DNAJC16: variants seen among roughly 807,000 people sequenced by gnomAD.
The protein encoded by DNAJC16 is DnaJ heat shock protein family (Hsp40) member C16, also known as dnaJ homolog subfamily C member 16.
DNAJC16 carries 76 observed loss-of-function variants against 92.7 expected under a neutral mutation model. That is an observed-to-expected ratio of 0.82 (90% CI 0.68 to 0.99). DNAJC16 has a LOEUF of 0.99. Among genes scored for constraint, DNAJC16 ranks in the 50% least tolerant of loss-of-function variants. The pLI is 0.00. For synonymous variants in DNAJC16, 328 were observed against 358.7 expected, an observed-to-expected ratio of 0.91 and a Z score of 0.97; for missense variants, 869 against 942.4, an observed-to-expected ratio of 0.92 and a Z score of 1.02.
Position 15,562,263 on chromosome 1 carries a change from C to T in DNAJC16, c.1276C>T (p.Arg426Trp), listed in dbSNP as rs147821055. Residue 426 changes from arginine (R) to tryptophan (W), a missense_variant, in exon 9 of 15, where the codon CGG (arginine) becomes TGG (tryptophan). Physicochemically the swap from Arg to Trp is moderately radical, Grantham distance 101. Coordinates refer to ENST00000375847, the MANE Select transcript of DNAJC16 (RefSeq NM_015291.4). ...GAGATTTGTGCATGTCTACAGCAAT[C>T]GGCAGCAGGAGTTTGCCGACACCTT... The part of the protein sequence containing the change: ...TVRFVHVYSN[R>W]QQEFADTLLP... 8.1e-6 allele frequency: 13 copies of T among 1,613,976 alleles called. No homozygotes were observed. The highest frequency in any genetic ancestry group is 4.0e-5 in the African/African-American group (3 of 74,926).
At chr1:15,538,587 C>T (rs1404832568) in intron 4 of DNAJC16, among the ~76,000 whole-genome samples, 1 of 149,222 alleles carries the variant, frequency 6.7e-6, no homozygotes, top group Non-Finnish European at 1.5e-5. Flanking sequence ...CATAGTGGCA[C>T]GTGCCTGTAA....
Position 15,562,012 on chromosome 1 carries a change from G to A in DNAJC16, c.1155-130G>A, listed in dbSNP as rs1570928322. The A allele has an allele frequency of 6.3e-6, 5 of 795,722 alleles. No homozygotes were observed. In the East Asian group the frequency reaches 1.2e-4, roughly 19 times the overall value. 49.3% of individuals were successfully genotyped at this position (795,722 alleles called of 1,614,324 possible). A position where few individuals can be genotyped will look rare whatever the true frequency, so the allele number is the denominator to read the frequency against. On this transcript the variant is annotated intron_variant, in intron 8 of 14. Coordinates refer to ENST00000375847, the MANE Select transcript of DNAJC16 (RefSeq NM_015291.4). ...AAATCCTCCCTTAGTTGAAATGTCA[G>A]CTTTCACTGGGCACAGTGTATTCAC...
At position 15,536,325 on chromosome 1, in the gene DNAJC16, C is replaced by T. The variant is rs1405100267; in HGVS notation, c.235-150C>T. 8.3e-6 allele frequency: 5 copies of T among 604,342 alleles called. No homozygotes were observed. The Admixed American group carries it at 1.7e-4, about 20-fold the overall frequency. The allele number at this position is 604,342 out of a possible 1,614,324, so 37.4% of individuals were successfully genotyped here. A position where few individuals can be genotyped will look rare whatever the true frequency, so the allele number is the denominator to read the frequency against. The stretch of plus-strand genomic sequence containing the variant: ...AAACTCCCGACCTCAAGTGATCCAC[C>T]CGCCTCAGCCTCCCAAAGTGCTGGG... On this transcript the variant is annotated intron_variant, in intron 3 of 14. Coordinates refer to ENST00000375847, the MANE Select transcript of DNAJC16 (RefSeq NM_015291.4).
intron 6 of DNAJC16, 24 bp downstream of exon 6, chr1:15,546,895 G>T: frequency 1.3e-5 from 18 of 1,394,538 alleles, no homozygotes; most frequent in East Asian, 7.4e-5. Context: ...TAGGATAATG[G>T]TTTCTTTTTC....
At chr1:15,551,167 G>C (rs376558841) in intron 7 of DNAJC16, among the ~76,000 whole-genome samples, 19 of 152,296 alleles carry the variant, frequency 1.2e-4, no homozygotes, top group East Asian at 1.2e-3. Flanking sequence ...TCCGTGCCCG[G>C]CCTCACCTTA....
At chr1:15,557,746 T>C (rs1199843487) in intron 7 of DNAJC16, among the ~76,000 whole-genome samples, 1 of 151,832 alleles carries the variant, frequency 6.6e-6, no homozygotes, top group Non-Finnish European at 1.5e-5. Context: ...TTTTTTTTTT[T>C]CTTTTTTAGT....
chr1:15,528,428 G>A (rs966045245), intron 1 of DNAJC16, among the ~76,000 whole-genome samples: 1 of 106,260 alleles, frequency 9.4e-6, no homozygotes, highest in African/African-American at 4.2e-5. Context: ...GTGAAACTCC[G>A]TCTCAAAAAA....
chr1:15,536,689 T>G lies in DNAJC16; in HGVS notation c.449T>G (p.Val150Gly). 6.2e-7 allele frequency: 1 copy of G among 1,614,218 alleles called. No homozygotes were observed. Among genetic ancestry groups the G allele is most frequent in the Non-Finnish European group, 8.5e-7 (1 of 1,180,038 alleles). ...EKYLLHFSHY[V>G]NEVVPDSFKK... ...TATTTATTGCACTTTTCACATTATG[T>G]GAATGAAGTGGTTCCAGATAGCTTC... Residue 150 changes from valine to glycine, a missense_variant, in exon 4 of 15, where the codon GTG becomes GGG. Val to Gly is a moderately radical substitution (Grantham distance 109, BLOSUM62 -3). Transcript: ENST00000375847.
At chr1:15,527,347 G>A (rs1024119577) in intron 1 of DNAJC16, among the ~76,000 whole-genome samples, 9 of 152,206 alleles carry the variant, frequency 5.9e-5, no homozygotes, top group Admixed American at 1.3e-4. Flanking sequence ...TAGCTGGAAG[G>A]AACTGACATG....
chr1:15,558,970 C>T (rs145979330), intron 7 of DNAJC16, among the ~76,000 whole-genome samples: 1,878 of 152,202 alleles, frequency 0.012, 27 homozygotes, highest in Non-Finnish European at 0.017. Flanking sequence ...GATGGAGTCT[C>T]GCTCTGTCGC....
rs1181316258 is a variant in DNAJC16, at chr1:15,567,771, C to G, written c.1950-7C>G. On this transcript the variant is annotated splice_polypyrimidine_tract_variant and splice_region_variant and intron_variant, in intron 14 of 14. Coordinates refer to ENST00000375847, the MANE Select transcript of DNAJC16 (RefSeq NM_015291.4). ...GCCCTGAGTCCTCAATTCTCTTCTT[C>G]CTACAGGAGCAGCTGCCTACACTTC... 1.2e-6 allele frequency: 2 copies of G among 1,609,228 alleles called. No individual in the cohort carries two copies. Among genetic ancestry groups the G allele is most frequent in the East Asian group, 4.5e-5 (2 of 44,864 alleles).
chr1:15,543,892 C>G (rs974114053), intron 4 of DNAJC16, among the ~76,000 whole-genome samples: 5 of 152,120 alleles, frequency 3.3e-5, no homozygotes, highest in Non-Finnish European at 7.4e-5. Context: ...CTGTCATCAA[C>G]TGAAATGGCA....
intron 13 of DNAJC16, 126 bp from the exon 14 acceptor site, chr1:15,566,973 T>C: frequency 1.2e-6 from 1 of 862,696 alleles, no homozygotes; most frequent in Non-Finnish European, 1.7e-6. Context: ...TGTGTTAGAC[T>C]CAAGAATAGT....
At chr1:15,548,544 CA>C (rs1638366487) in intron 7 of DNAJC16, 116 bp downstream of exon 7, 1 of 1,023,180 alleles carries the variant, frequency 9.8e-7, no homozygotes. Context: ...TTCAGATGCA[CA>C]AAATTTTTTA....
intron 3 of DNAJC16, 116 bp downstream of exon 3, chr1:15,534,419 T>A (rs1710734015): frequency 9.3e-7 from 1 of 1,074,856 alleles, no homozygotes. Context: ...TGATGCAGTT[T>A]CTAGATTATA....
intron 3 of DNAJC16, 87 bp downstream of exon 3, chr1:15,534,390 G>T (rs915978551): frequency 2.2e-6 from 3 of 1,382,478 alleles, no homozygotes; most frequent in African/African-American, 2.9e-5. Context: ...TGTCAGAAAG[G>T]TCATGTTCCC....
chr1:15,546,817 T>C lies in DNAJC16; in HGVS notation c.810T>C (p.Asn270=), dbSNP rs1053000231. 1 of 1,614,000 alleles carries C rather than the reference T, an allele frequency of 6.2e-7. No homozygotes were observed. Residue 270 remains asparagine, a synonymous_variant, in exon 6 of 15, where the codon AAT becomes AAC. Coordinates refer to ENST00000375847, the MANE Select transcript of DNAJC16 (RefSeq NM_015291.4). The part of the protein sequence containing the change: ...VRFLSGWQQE[N]KPHVLLFDQT... The stretch of plus-strand genomic sequence containing the variant: ...TCCTCTCTGGCTGGCAGCAAGAGAA[T>C]AAGCCTCATGTCCTTCTGTTTGACC...
At chr1:15,553,149 C>A (rs972006559) in intron 7 of DNAJC16, among the ~76,000 whole-genome samples, 22 of 151,912 alleles carry the variant, frequency 1.4e-4, no homozygotes, top group African/African-American at 5.3e-4. Context: ...TTTATATGTT[C>A]ATCTCTTTTT....
rs929238133 is a variant in DNAJC16, at chr1:15,561,448, G to C, written c.1155-694G>C. On this transcript the variant is annotated intron_variant, in intron 8 of 14. Coordinates refer to ENST00000375847, the MANE Select transcript of DNAJC16 (RefSeq NM_015291.4). Reference sequence around the variant, plus strand: ...GCCTATAATCCCAGCACTTTGGGGGGCTGAGGCAGGCGGATCACTTGAGGT... The same window carrying C: ...GCCTATAATCCCAGCACTTTGGGGGCCTGAGGCAGGCGGATCACTTGAGGT... Among the ~76,000 whole-genome samples, 3 of 152,174 alleles carry C rather than the reference G, an allele frequency of 2.0e-5. 1 individual carries two copies. In the East Asian group the frequency reaches 5.8e-4, roughly 29 times the overall value.
Sources: allele counts gnomAD v4.1 joint callset (sites outside exome capture counted in the v4.1 genomes callset), GRCh38; gene constraint gnomAD v4.1.1; transcripts MANE v1.5; gene names NCBI Gene and HGNC (gene_info 2026-07-23, HGNC 2026-07-21).